The following HYAL4 variants were observed in gnomAD, a reference collection of about 807,000 sequenced individuals.
HYAL4 encodes hyaluronidase-4.
In HYAL4, 37 loss-of-function variants were observed where a neutral mutation model predicts 35.2. The observed-to-expected ratio is 1.05, with a 90% CI of 0.81 to 1.38. HYAL4 has a LOEUF of 1.38. Among genes scored for constraint, HYAL4 ranks in the 40% most tolerant of loss-of-function variants. The probability of loss-of-function intolerance (pLI) is 0.00; values close to 1 mark genes in which losing one functional copy is unlikely to be tolerated. For missense variants in HYAL4, 572 were observed against 572.4 expected (o/e 1.00, Z 0.01); for synonymous variants, 198 against 203.2 (o/e 0.97, Z 0.22).
At chr7:123,854,298 C>A (rs564219082) in intron 2 of HYAL4, among the ~76,000 whole-genome samples, 4 of 152,184 alleles carry the variant, frequency 2.6e-5, no homozygotes, top group African/African-American at 4.8e-5. Context: ...TTCTCTAGTT[C>A]TTTTAATTGT....
the HYAL4 span, among the ~76,000 whole-genome samples, chr7:123,785,100 C>CT: frequency 6.6e-6 from 1 of 152,186 alleles, no homozygotes; most frequent in Non-Finnish European, 1.5e-5. This position sits in a 1 kb window ranked among gnomAD's most constrained non-coding sequence, Gnocchi z 4.5. Context: ...GGGTCTCTCT[C>CT]TGTCACCGGG....
chr7:123,803,186 G>A, the HYAL4 span, among the ~76,000 whole-genome samples: 3 of 152,166 alleles, frequency 2.0e-5, no homozygotes, highest in African/African-American at 7.2e-5. Flanking sequence ...CTACTTGGAG[G>A]GCTGAGATAG....
intron 2 of HYAL4, among the ~76,000 whole-genome samples, chr7:123,854,607 C>A (rs911445785): frequency 3.9e-5 from 6 of 152,098 alleles, no homozygotes; most frequent in African/African-American, 7.2e-5. Context: ...GATTTATGTT[C>A]TTTTGCATTT....
chr7:123,868,721 C>A lies in HYAL4; in HGVS notation c.448C>A (p.Arg150=). The part of the protein sequence containing the change: ...GLAVIDWEYW[R]PQWARNWNSK... ...TGCTGTTATAGATTGGGAATATTGG[C>A]GACCACAGTGGGCCCGGAACTGGAA... Residue 150 remains arginine, a synonymous_variant, in exon 3 of 5, where the codon CGA becomes AGA. Transcript: ENST00000223026. The A allele has an allele frequency of 6.2e-7, 1 of 1,613,636 alleles. No individual in the cohort carries two copies. The highest frequency in any genetic ancestry group is 8.5e-7 in the Non-Finnish European group (1 of 1,179,886).
the HYAL4 span, among the ~76,000 whole-genome samples, chr7:123,792,832 G>T: frequency 3.3e-5 from 5 of 152,264 alleles, no homozygotes; most frequent in African/African-American, 1.2e-4. Flanking sequence ...TTGATGCTCA[G>T]GGGGAAGGGA....
At chr7:123,847,192 T>C (rs896535626) in intron 1 of HYAL4, among the ~76,000 whole-genome samples, 1 of 152,210 alleles carries the variant, frequency 6.6e-6, no homozygotes, top group Non-Finnish European at 1.5e-5. Context: ...CTTTCTACTA[T>C]GGTTTTTGTT....
At chr7:123,787,660 A>G in the HYAL4 span, among the ~76,000 whole-genome samples, 4 of 152,162 alleles carry the variant, frequency 2.6e-5, no homozygotes, top group Non-Finnish European at 5.9e-5. Flanking sequence ...ATTTCAAACA[A>G]TAACCTCACC....
the HYAL4 span, among the ~76,000 whole-genome samples, chr7:123,781,684 A>C: frequency 6.6e-6 from 1 of 152,162 alleles, no homozygotes; most frequent in Non-Finnish European, 1.5e-5. Flanking sequence ...TCAAAGATTT[A>C]ATATGAAAAA....
intron 4 of HYAL4, chr7:123,876,208 T>G: frequency 3.0e-6 from 1 of 329,216 alleles, no homozygotes; most frequent in Non-Finnish European, 6.0e-6. Flanking sequence ...GGACAGTTGA[T>G]GGAAATTAAC....
chr7:123,777,923 T>G, the HYAL4 span, among the ~76,000 whole-genome samples: 44 of 152,056 alleles, frequency 2.9e-4, no homozygotes, highest in Admixed American at 2.7e-3. Flanking sequence ...TCGTTAGTTT[T>G]TTTTTTTTGC....
the HYAL4 span, among the ~76,000 whole-genome samples, chr7:123,812,510 A>T: frequency 2.0e-5 from 3 of 152,228 alleles, no homozygotes; most frequent in East Asian, 3.8e-4. Context: ...CTAGAAAAAT[A>T]GATGATTGTG....
chr7:123,855,409 T>G (rs1393901770), intron 2 of HYAL4, among the ~76,000 whole-genome samples: 1 of 152,116 alleles, frequency 6.6e-6, no homozygotes, highest in African/African-American at 2.4e-5. Context: ...GGTAACAAAA[T>G]CCCTCAGCGT....
chr7:123,837,701 G>A (rs984953875), intron 1 of HYAL4, among the ~76,000 whole-genome samples: 15 of 107,748 alleles, frequency 1.4e-4, no homozygotes, highest in East Asian at 5.3e-4. Flanking sequence ...AACAGGCCCC[G>A]GTGTGTGATG....
At chr7:123,781,566 G>C in the HYAL4 span, among the ~76,000 whole-genome samples, 1 of 151,442 alleles carries the variant, frequency 6.6e-6, no homozygotes, top group Non-Finnish European at 1.5e-5. Flanking sequence ...CACCTTACGA[G>C]AAACACCCAC....
In HYAL4 at chr7:123,877,311, T is replaced by C. The variant is rs1807055281; in HGVS notation, c.*156T>C. On this transcript the variant is annotated 3_prime_UTR_variant, in exon 5 of 5. Transcript: ENST00000223026. Reference sequence around the variant, plus strand: ...TAACATAAACAGAAACATTATTTTATTTGCCTCCAGTCTGGCTAGGAAACC... The same window carrying C: ...TAACATAAACAGAAACATTATTTTACTTGCCTCCAGTCTGGCTAGGAAACC... 5.3e-6 allele frequency: 4 copies of C among 752,838 alleles called. No homozygotes were observed. Among genetic ancestry groups the C allele is most frequent in the Non-Finnish European group, 8.2e-6 (4 of 487,208 alleles). The allele number at this position is 752,838 out of a possible 1,614,324, so 46.6% of individuals were successfully genotyped here.
At chr7:123,811,665 T>G in the HYAL4 span, among the ~76,000 whole-genome samples, 2 of 152,134 alleles carry the variant, frequency 1.3e-5, no homozygotes, top group Non-Finnish European at 2.9e-5. Flanking sequence ...CTTTCACAGA[T>G]GAGATGTTTT....
the HYAL4 span, among the ~76,000 whole-genome samples, chr7:123,809,021 A>T: frequency 6.6e-6 from 1 of 152,218 alleles, no homozygotes; most frequent in African/African-American, 2.4e-5. Context: ...TATTCAGACC[A>T]TAGTACCACT....
chr7:123,779,791 T>C, the HYAL4 span, among the ~76,000 whole-genome samples: 1 of 152,198 alleles, frequency 6.6e-6, no homozygotes, highest in Admixed American at 6.5e-5. Flanking sequence ...TGGATTTACA[T>C]AGTACCTTTC....
At chr7:123,876,674 C>T (rs1290032875) in intron 4 of HYAL4, 80 bp from the exon 5 acceptor site, 14 of 1,414,106 alleles carry the variant, frequency 9.9e-6, no homozygotes, top group Middle Eastern at 1.8e-4. Flanking sequence ...TCAGTACCAG[C>T]GAGAAACACT....
Sources: gnomAD v4.1 joint callset for allele counts (sites outside exome capture counted in the v4.1 genomes callset) on GRCh38, gnomAD v4.1.1 for gene constraint, Gnocchi (gnomAD v3.1) non-coding constraint, MANE v1.5 for transcripts, NCBI Gene and HGNC (gene_info 2026-07-23, HGNC 2026-07-21) for gene names.